Variants in PARP15 observed in about 807,000 individuals in gnomAD.
The protein encoded by PARP15 is protein mono-ADP-ribosyltransferase PARP15.
PARP15 carries 50 observed loss-of-function variants against 62.1 expected under a neutral mutation model. The ratio of observed to expected loss-of-function variants is 0.81; its 90% CI spans 0.64 to 1.02. The LOEUF (loss-of-function observed/expected upper bound fraction) is 1.02, where lower values mean the gene tolerates loss of function less well. Among genes scored for constraint, PARP15 ranks in the 50% least tolerant of loss-of-function variants. The pLI is 0.00. For missense variants in PARP15, 820 were observed against 826.5 expected (o/e 0.99, Z 0.10); for synonymous variants, 309 against 293.1 (o/e 1.05, Z -0.55).
chr3:122,615,613 A>G, intron 4 of PARP15, 166 bp from the exon 5 acceptor site: 5 of 1,425,846 alleles, frequency 3.5e-6, no homozygotes, highest in Non-Finnish European at 3.8e-6. Context: ...TTGTGGAGAA[A>G]ATTCCTAGGT....
At chr3:122,590,921 T>C (rs1933860564) in intron 1 of PARP15, among the ~76,000 whole-genome samples, 1 of 152,222 alleles carries the variant, frequency 6.6e-6, no homozygotes, top group Admixed American at 6.5e-5. Context: ...ATGTTGTAGC[T>C]CTATTAATTT....
intron 1 of PARP15, among the ~76,000 whole-genome samples, chr3:122,604,212 C>A (rs1013782990): frequency 6.6e-6 from 1 of 152,194 alleles, no homozygotes; most frequent in Non-Finnish European, 1.5e-5. Context: ...CAAATGATTT[C>A]ATCCATCTGC....
chr3:122,583,189 C>T (rs187723476), intron 1 of PARP15, among the ~76,000 whole-genome samples: 11 of 129,198 alleles, frequency 8.5e-5, no homozygotes, highest in East Asian at 4.9e-4. Context: ...GGCATGATCT[C>T]GGCTCGCTGC....
chr3:122,596,233 G>A (rs908431198), intron 1 of PARP15, among the ~76,000 whole-genome samples: 7 of 151,702 alleles, frequency 4.6e-5, no homozygotes, highest in African/African-American at 1.7e-4. Flanking sequence ...GCATGTGCCT[G>A]TAATCCCAGC....
intron 7 of PARP15, 108 bp downstream of exon 7, chr3:122,619,951 T>A (rs1576532337): frequency 8.6e-6 from 9 of 1,045,584 alleles, no homozygotes; most frequent in African/African-American, 7.9e-5. Flanking sequence ...CGAGCAAAAC[T>A]TTGCAAGAAG....
At chr3:122,613,017 G>A in intron 3 of PARP15, 24 bp from the exon 4 acceptor site, 2 of 1,525,074 alleles carry the variant, frequency 1.3e-6, no homozygotes, top group Non-Finnish European at 1.8e-6. Context: ...CCTAACTTAT[G>A]TAAATGTACT....
At chr3:122,606,089 A>G (rs2107524091) in intron 2 of PARP15, 34 bp downstream of exon 2, 1 of 1,541,352 alleles carries the variant, frequency 6.5e-7, no homozygotes, top group Non-Finnish European at 8.8e-7. Flanking sequence ...CTACCAAGGA[A>G]CAGTGGGATC....
intron 1 of PARP15, among the ~76,000 whole-genome samples, chr3:122,600,331 G>A (rs1017387519): frequency 6.6e-6 from 1 of 152,024 alleles, no homozygotes; most frequent in Non-Finnish European, 1.5e-5. Context: ...GCTTGCCTGG[G>A]AAGTTATTGT....
chr3:122,591,222 C>G (rs188218401), intron 1 of PARP15, among the ~76,000 whole-genome samples: 1 of 152,284 alleles, frequency 6.6e-6, no homozygotes, highest in Admixed American at 6.5e-5. Context: ...TAAGTTGGAA[C>G]ATTCAGGCAC....
chr3:122,592,728 A>G (rs1047022989), intron 1 of PARP15, among the ~76,000 whole-genome samples: 4 of 152,222 alleles, frequency 2.6e-5, no homozygotes, highest in Non-Finnish European at 4.4e-5. Context: ...ATCTTCTTAC[A>G]AGGCAAGTAG....
intron 9 of PARP15, among the ~76,000 whole-genome samples, chr3:122,629,197 A>G (rs1936914098): frequency 2.0e-5 from 3 of 152,094 alleles, no homozygotes; most frequent in African/African-American, 7.2e-5. Flanking sequence ...GAATCTCACT[A>G]TGTTGCCCAG....
At chr3:122,592,864 C>T (rs1228327679) in intron 1 of PARP15, among the ~76,000 whole-genome samples, 1 of 152,062 alleles carries the variant, frequency 6.6e-6, no homozygotes, top group Non-Finnish European at 1.5e-5. Flanking sequence ...TGCTTTTAAG[C>T]CTTACACTAA....
intron 10 of PARP15, among the ~76,000 whole-genome samples, chr3:122,633,602 C>T (rs1937183383): frequency 6.6e-6 from 1 of 151,822 alleles, no homozygotes; most frequent in East Asian, 1.9e-4. Flanking sequence ...TTTGTTAATA[C>T]ATTTTATGAA....
At position 122,632,187 on chromosome 3, in the gene PARP15, A is replaced by T; in HGVS notation, c.1540A>T (p.Thr514Ser). The T allele has an allele frequency of 1.2e-6, 2 of 1,613,608 alleles. No individual in the cohort carries two copies. Among genetic ancestry groups the T allele is most frequent in the Non-Finnish European group, 1.7e-6 (2 of 1,179,652 alleles). ...ATATAATACCATAAAGGACAAGTTC[A>T]CCCGAACTTGTTCTTCCTACGCAAT... ...SEYNTIKDKF[T>S]RTCSSYAIEK... The change falls in exon 10 of 12, where the codon ACC becomes TCC. Residue 514 changes from threonine to serine, a missense_variant. This residue lies in a region of PARP15 where 731 missense variants were observed against 727.7 expected (regional missense o/e 1.00). Transcript: ENST00000464300.
At chr3:122,628,542 T>C (rs13314756) in intron 9 of PARP15, among the ~76,000 whole-genome samples, 23,282 of 152,198 alleles carry the variant, frequency 0.15, 2,224 homozygotes, top group East Asian at 0.48. Flanking sequence ...AATAAGTCAT[T>C]ATCAGTAAAG....
intron 1 of PARP15, among the ~76,000 whole-genome samples, chr3:122,598,869 T>G (rs1294165302): frequency 6.6e-6 from 1 of 152,062 alleles, no homozygotes; most frequent in Non-Finnish European, 1.5e-5. Flanking sequence ...CCACGGTCCT[T>G]TATTTTTATT....
intron 3 of PARP15, among the ~76,000 whole-genome samples, chr3:122,612,172 C>G (rs1935616510): frequency 6.6e-6 from 1 of 152,016 alleles, no homozygotes; most frequent in African/African-American, 2.4e-5. Flanking sequence ...CCTCCTACCT[C>G]AGCCTCCCGA....
rs372542558 is a variant in PARP15 at position 122,590,472 on chromosome 3, C to T, written c.186+12619C>T. On this transcript the variant is annotated intron_variant, in intron 1 of 11. Coordinates refer to ENST00000464300, the MANE Select transcript of PARP15 (RefSeq NM_001113523.3). The stretch of plus-strand genomic sequence containing the variant: ...TGCATTTTTATTAGAGACGGGGTTT[C>T]GCCTTGTTAGCCAGGATGGTCTCGA... Among the ~76,000 whole-genome samples, 45 of 151,880 alleles carry T rather than the reference C, an allele frequency of 3.0e-4. No individual in the cohort carries two copies. The Middle Eastern group carries it at 0.017, about 57-fold the overall frequency.
chr3:122,612,381 T>G (rs1055641790), intron 3 of PARP15, among the ~76,000 whole-genome samples: 10 of 152,020 alleles, frequency 6.6e-5, no homozygotes, highest in African/African-American at 2.4e-4. Context: ...TTTTTTTTTT[T>G]TGAACCAATA....
Sources: gnomAD v4.1 joint callset for allele counts (sites outside exome capture counted in the v4.1 genomes callset) on GRCh38, gnomAD v4.1.1 for gene constraint, gnomAD v4.1.1 regional missense constraint, MANE v1.5 for transcripts, NCBI Gene and HGNC (gene_info 2026-07-23, HGNC 2026-07-21) for gene names.